The following ADGRL2 variants were observed in gnomAD, a reference collection of about 807,000 sequenced individuals.
ADGRL2 encodes adhesion G protein-coupled receptor L2.
ADGRL2 carries 44 observed loss-of-function variants against 157.4 expected under a neutral mutation model. The ratio of observed to expected loss-of-function variants is 0.28; its 90% confidence interval spans 0.22 to 0.36. ADGRL2 has a LOEUF of 0.36. ADGRL2 is among the 10% of genes least tolerant of loss of function. The pLI, the probability that ADGRL2 is intolerant of heterozygous loss-of-function variation, is 1.00. For synonymous variants in ADGRL2, 585 were observed against 624.7 expected (o/e 0.94, Z 0.95); for missense variants, 1,510 against 1,768.9 (o/e 0.85, Z 2.63).
chr1:81,646,108 T>C (rs2082311320), intron 3 of ADGRL2, among the ~76,000 whole-genome samples: 2 of 152,152 alleles, frequency 1.3e-5, no homozygotes, highest in Admixed American at 1.3e-4. Flanking sequence ...CCGACTCCCA[T>C]ATGGCCTCAT....
chr1:81,672,256 T>C, intron 3 of ADGRL2, among the ~76,000 whole-genome samples: 1 of 152,102 alleles, frequency 6.6e-6, no homozygotes, highest in East Asian at 1.9e-4. Flanking sequence ...GAAAGAGTTT[T>C]TGATTAGATT....
In ADGRL2 at chr1:81,943,468, A is replaced by T. The variant is rs1648753282; in HGVS notation, c.909A>T (p.Glu303Asp). Reference sequence around the variant, plus strand: ...TGAATCCATACACTCTTCGATTTGAAGCAACGTGGGAGACTGTATACGACA... The same window carrying T: ...TGAATCCATACACTCTTCGATTTGATGCAACGTGGGAGACTGTATACGACA... ...SQLNPYTLRF[E>D]ATWETVYDKR... The change falls in exon 6 of 24, where the codon GAA becomes GAT. Residue 303 changes from glutamate (E) to aspartate (D), a missense_variant. By Grantham distance (45) the Glu-to-Asp change is conservative. Coordinates refer to ENST00000686636, the MANE Select transcript of ADGRL2 (RefSeq NM_001366006.2). This position sits in a 1 kb window ranked among gnomAD's most constrained non-coding sequence, Gnocchi z 5.6. 6.2e-7 allele frequency: 1 copy of T among 1,613,672 alleles called. No homozygotes were observed. Among genetic ancestry groups the T allele is most frequent in the African/African-American group, 1.3e-5 (1 of 74,896 alleles).
chr1:81,924,204 A>AG (rs2095052466), intron 3 of ADGRL2, among the ~76,000 whole-genome samples: 1 of 152,054 alleles, frequency 6.6e-6, no homozygotes, highest in Non-Finnish European at 1.5e-5. Context: ...GATTGCATGG[A>AG]GGGCACCACT....
chr1:81,406,677 A>G lies in ADGRL2; in HGVS notation c.-301-38359A>G, dbSNP rs528378175. ...TGATATTTTTCTGTTAATTAAAAAC[A>G]ACAAATGACATTGTTGTCTGAGAGG... On this transcript the variant is annotated intron_variant, in intron 1 of 24. Coordinates refer to the ADGRL2 transcript ENST00000370721. Among the ~76,000 whole-genome samples, 15 of 152,348 alleles carry G rather than the reference A, an allele frequency of 9.8e-5. No individual in the cohort carries two copies. The East Asian group carries it at 2.9e-3, about 29-fold the overall frequency.
chr1:81,690,658 A>G (rs2083313493), intron 3 of ADGRL2, among the ~76,000 whole-genome samples: 1 of 152,148 alleles, frequency 6.6e-6, no homozygotes, highest in Non-Finnish European at 1.5e-5. Flanking sequence ...TTCCTAGTTA[A>G]AAATCACAGG....
intron 3 of ADGRL2, among the ~76,000 whole-genome samples, chr1:81,648,199 A>G (rs1293409060): frequency 6.6e-6 from 1 of 152,202 alleles, no homozygotes; most frequent in Non-Finnish European, 1.5e-5. Context: ...TATGGCTGTT[A>G]ACTTAGAGCT....
intron 2 of ADGRL2, chr1:81,514,883 T>C (rs543158013): frequency 1.3e-5 from 2 of 152,328 alleles, no homozygotes; most frequent in South Asian, 4.1e-4. Flanking sequence ...CCTGATGACA[T>C]GGAGTACAAA....
chr1:81,326,012 C>A (rs1185309397), intron 1 of ADGRL2, among the ~76,000 whole-genome samples: 1 of 152,082 alleles, frequency 6.6e-6, no homozygotes, highest in African/African-American at 2.4e-5. Flanking sequence ...TCCAAAAAAA[C>A]AATTCTTTAG....
intron 3 of ADGRL2, among the ~76,000 whole-genome samples, chr1:81,665,721 G>T (rs1389674941): frequency 4.6e-5 from 7 of 152,090 alleles, no homozygotes; most frequent in African/African-American, 1.7e-4. Flanking sequence ...AGCAATGTAG[G>T]TAACCCTCTA....
chr1:81,356,971 A>AAAAAAAAAAAAAAAAGAAG (rs80327519), intron 1 of ADGRL2, among the ~76,000 whole-genome samples: 10 of 99,308 alleles, frequency 1.0e-4, no homozygotes, highest in African/African-American at 1.3e-4. Flanking sequence ...AAAAAAAAAA[A>AAAAAAAAAAAAAAAAGAAG]AAGAAGTTGT....
At chr1:81,762,869 G>A (rs934849317) in intron 2 of ADGRL2, among the ~76,000 whole-genome samples, 4 of 151,720 alleles carry the variant, frequency 2.6e-5, no homozygotes, top group African/African-American at 9.7e-5. Context: ...TGGCTAACAC[G>A]GTGAAACCCC....
Position 81,985,269 on chromosome 1 carries a change from G to T in ADGRL2, c.3422G>T (p.Arg1141Ile). ...RYSSGTQSRI[R>I]RMWNDTVRKQ... ...GTTTTGTATTAATAGAGTCGTATAA[G>T]AAGAATGTGGAATGATACTGTGAGA... Residue 1141 changes from arginine (R) to isoleucine (I), a missense_variant, in exon 21 of 24, where the codon AGA becomes ATA. Transcript: ENST00000686636. The T allele has an allele frequency of 6.3e-7, 1 of 1,587,034 alleles. No individual in the cohort carries two copies.
chr1:81,445,555 G>A (rs142465201), intron 2 of ADGRL2, among the ~76,000 whole-genome samples: 45 of 152,306 alleles, frequency 3.0e-4, no homozygotes, highest in African/African-American at 1.0e-3. Flanking sequence ...GTGGGCTGAA[G>A]GGACTTAGAG....
chr1:81,476,542 C>T (rs1261658058), intron 2 of ADGRL2, among the ~76,000 whole-genome samples: 2 of 152,164 alleles, frequency 1.3e-5, no homozygotes, highest in Non-Finnish European at 2.9e-5. Flanking sequence ...GATCCTTCTT[C>T]TCTTCTCTTT....
intron 1 of ADGRL2, among the ~76,000 whole-genome samples, chr1:81,715,085 T>G (rs1258184881): frequency 1.3e-5 from 2 of 152,076 alleles, no homozygotes; most frequent in Non-Finnish European, 2.9e-5. Context: ...TGACTTAAGC[T>G]GTTTGTGACA....
chr1:81,683,785 C>T (rs879852058), intron 3 of ADGRL2, among the ~76,000 whole-genome samples: 7 of 151,834 alleles, frequency 4.6e-5, no homozygotes, highest in Admixed American at 3.3e-4. Context: ...GCTATAAACA[C>T]GCTTGTGCAA....
intron 2 of ADGRL2, among the ~76,000 whole-genome samples, chr1:81,449,065 T>C (rs555127239): frequency 6.6e-6 from 1 of 152,326 alleles, no homozygotes; most frequent in African/African-American, 2.4e-5. Context: ...TCTGATGGAA[T>C]AAGTGGCATC....
intron 3 of ADGRL2, among the ~76,000 whole-genome samples, chr1:81,641,194 A>T (rs1468830391): frequency 6.6e-6 from 1 of 152,226 alleles, no homozygotes; most frequent in Non-Finnish European, 1.5e-5. Flanking sequence ...AACTGCAAGG[A>T]GAAATAGATA....
chr1:81,809,797 A>C (rs978706126), intron 1 of ADGRL2, among the ~76,000 whole-genome samples: 15 of 152,024 alleles, frequency 9.9e-5, no homozygotes, highest in Non-Finnish European at 1.3e-4. Context: ...GAAGTTCAAA[A>C]TGTAAAATAT....
Sources: gnomAD v4.1 joint callset for allele counts (sites outside exome capture counted in the v4.1 genomes callset) on GRCh38, gnomAD v4.1.1 for gene constraint, Gnocchi (gnomAD v3.1) non-coding constraint, MANE v1.5 for transcripts, NCBI Gene and HGNC (gene_info 2026-07-23, HGNC 2026-07-21) for gene names.